The following HPSE2 variants were observed in gnomAD, a reference collection of about 807,000 sequenced individuals.
HPSE2 encodes inactive heparanase-2.
In HPSE2, 38 loss-of-function variants were observed where a neutral mutation model predicts 60.5. The observed-to-expected ratio is 0.63, with a 90% CI of 0.48 to 0.82. HPSE2 has a LOEUF of 0.82. HPSE2 is among the 40% of genes least tolerant of loss of function. HPSE2 has a pLI of 0.00. For missense variants in HPSE2, 713 were observed against 740.4 expected, an observed-to-expected ratio of 0.96 and a Z score of 0.43; for synonymous variants, 295 against 293.2, an observed-to-expected ratio of 1.01 and a Z score of -0.06.
chr10:99,195,335 C>T lies in HPSE2; in HGVS notation c.448+37013G>A, dbSNP rs115924230. On this transcript the variant is annotated intron_variant, in intron 2 of 11. Coordinates refer to ENST00000370552, the MANE Select transcript of HPSE2 (RefSeq NM_021828.5). The stretch of plus-strand genomic sequence containing the variant: ...AGTGCACCCAATTACACCACTGCTA[C>T]GCAGCATAGTACTGGAAGTTCTAGA... Among the ~76,000 whole-genome samples the T allele has an allele frequency of 3.2e-3, 492 of 151,750 alleles. 2 individuals carry two copies. Among genetic ancestry groups the T allele is most frequent in the African/African-American group, 0.011 (440 of 41,392 alleles).
intron 3 of HPSE2, among the ~76,000 whole-genome samples, chr10:98,909,368 T>C (rs1393704654): frequency 6.6e-6 from 1 of 151,434 alleles, no homozygotes; most frequent in Non-Finnish European, 1.5e-5. Flanking sequence ...CAGTGGCTCA[T>C]GCCTCTAATC....
At chr10:98,877,676 TAAAG>T (rs1952914516) in intron 3 of HPSE2, among the ~76,000 whole-genome samples, 2 of 151,926 alleles carry the variant, frequency 1.3e-5, no homozygotes, top group South Asian at 2.1e-4. Flanking sequence ...AATAAACTGA[TAAAG>T]AATCGATATA....
the HPSE2 span, among the ~76,000 whole-genome samples, chr10:99,287,000 T>C: frequency 3.9e-5 from 6 of 152,202 alleles, no homozygotes; most frequent in African/African-American, 1.2e-4. Context: ...CACTATCCTA[T>C]ACTTGGGGAT....
intron 3 of HPSE2, among the ~76,000 whole-genome samples, chr10:98,905,222 C>T (rs1953779144): frequency 1.3e-5 from 2 of 151,628 alleles, no homozygotes; most frequent in Admixed American, 1.3e-4. Context: ...AGTTTAGTTA[C>T]ATATGTATAC....
chr10:98,526,584 A>G (rs1942974050), intron 9 of HPSE2, among the ~76,000 whole-genome samples: 1 of 152,232 alleles, frequency 6.6e-6, no homozygotes, highest in African/African-American at 2.4e-5. Flanking sequence ...CTTTAGAAAT[A>G]AATACAGAGA....
intron 2 of HPSE2, among the ~76,000 whole-genome samples, chr10:99,195,474 T>C (rs1328835892): frequency 2.6e-5 from 4 of 151,596 alleles, no homozygotes; most frequent in Non-Finnish European, 5.9e-5. Flanking sequence ...AAAGACTCCA[T>C]TAAAAAAAAA....
chr10:98,998,551 T>C (rs1218124586), intron 3 of HPSE2, among the ~76,000 whole-genome samples: 23 of 152,212 alleles, frequency 1.5e-4, no homozygotes, highest in Admixed American at 1.5e-3. Context: ...CCTGGAAACG[T>C]AGGTTCTCCT....
At chr10:98,790,055 A>C (rs1950622903) in intron 3 of HPSE2, among the ~76,000 whole-genome samples, 1 of 152,164 alleles carries the variant, frequency 6.6e-6, no homozygotes, top group Non-Finnish European at 1.5e-5. Context: ...TGTCAATAAG[A>C]GATGAGAGAA....
Position 99,119,580 on chromosome 10 carries a change from G to T in HPSE2, c.610+24658C>A, listed in dbSNP as rs960678131. Among the ~76,000 whole-genome samples the T allele has an allele frequency of 3.9e-5, 6 of 152,076 alleles. No individual in the cohort carries two copies. The South Asian group carries it at 1.0e-3, about 26-fold the overall frequency. On this transcript the variant is annotated intron_variant, in intron 3 of 11. Transcript: ENST00000370552. Reference sequence around the variant, plus strand: ...ACCAATGGCATTCTTCACAGAACTAGAAAAAGCTATTTTAATATTCATATG... The same window carrying T: ...ACCAATGGCATTCTTCACAGAACTATAAAAAGCTATTTTAATATTCATATG...
the HPSE2 span, among the ~76,000 whole-genome samples, chr10:99,242,533 A>G: frequency 6.6e-6 from 1 of 152,178 alleles, no homozygotes; most frequent in Non-Finnish European, 1.5e-5. Flanking sequence ...ACTGCTAGAG[A>G]TAGAAAACTA....
intron 9 of HPSE2, among the ~76,000 whole-genome samples, chr10:98,545,309 C>A (rs1252275227): frequency 6.6e-6 from 1 of 152,042 alleles, no homozygotes; most frequent in East Asian, 1.9e-4. Context: ...TTTTATGAGG[C>A]CAGCATCATC....
At chr10:98,470,805 G>A (rs1940748511) in intron 11 of HPSE2, among the ~76,000 whole-genome samples, 1 of 150,604 alleles carries the variant, frequency 6.6e-6, no homozygotes, top group South Asian at 2.1e-4. Context: ...AGGTGAAGAG[G>A]GGATACCACA....
intron 4 of HPSE2, among the ~76,000 whole-genome samples, chr10:98,728,232 G>T (rs1016343059): frequency 1.1e-4 from 16 of 152,102 alleles, no homozygotes; most frequent in African/African-American, 3.9e-4. Context: ...CTCTATTGTT[G>T]GGCTTATAAA....
At chr10:98,618,982 A>C (rs1326688800) in intron 8 of HPSE2, among the ~76,000 whole-genome samples, 2 of 152,192 alleles carry the variant, frequency 1.3e-5, no homozygotes, top group Non-Finnish European at 2.9e-5. Context: ...GTGCTACACA[A>C]CGTTAGATGC....
chr10:98,677,735 A>T (rs190295318), intron 6 of HPSE2, among the ~76,000 whole-genome samples: 4 of 152,330 alleles, frequency 2.6e-5, no homozygotes, highest in Admixed American at 1.3e-4. Flanking sequence ...AGAGATAGAT[A>T]ATCTATGCTA....
chr10:99,151,989 T>C (rs1164402639), intron 2 of HPSE2, among the ~76,000 whole-genome samples: 2 of 151,276 alleles, frequency 1.3e-5, no homozygotes, highest in Non-Finnish European at 2.9e-5. Context: ...CATTCAAAAA[T>C]GCAGGCAAAA....
At chr10:99,159,404 G>A (rs968251353) in intron 2 of HPSE2, among the ~76,000 whole-genome samples, 3 of 152,208 alleles carry the variant, frequency 2.0e-5, no homozygotes, top group African/African-American at 2.4e-5. Flanking sequence ...TTGCTTTTGC[G>A]TGGTGAAACA....
At chr10:99,282,752 C>G in the HPSE2 span, among the ~76,000 whole-genome samples, 1 of 152,022 alleles carries the variant, frequency 6.6e-6, no homozygotes, top group Non-Finnish European at 1.5e-5. Context: ...CATGCTTAAA[C>G]AAACAATCAG....
intron 3 of HPSE2, among the ~76,000 whole-genome samples, chr10:98,989,246 C>T (rs1564717061): frequency 6.6e-6 from 1 of 152,252 alleles, no homozygotes; most frequent in East Asian, 1.9e-4. Flanking sequence ...GGAACCAACC[C>T]AAATGTCCAA....
Sources: gnomAD v4.1 joint callset for allele counts (sites outside exome capture counted in the v4.1 genomes callset) on GRCh38, gnomAD v4.1.1 for gene constraint, MANE v1.5 for transcripts, NCBI Gene and HGNC (gene_info 2026-07-23, HGNC 2026-07-21) for gene names.